DMD: variants seen among roughly 807,000 people sequenced by gnomAD.
The protein encoded by DMD is dystrophin.
A neutral mutation model predicts 330.1 loss-of-function variants in DMD; 63 were observed. That is an observed-to-expected ratio of 0.19 (90% CI 0.16 to 0.24). The LOEUF (loss-of-function observed/expected upper bound fraction) is 0.24. DMD is among the 10% of genes least tolerant of loss of function. The pLI, the probability that DMD is intolerant of heterozygous loss-of-function variation, is 1.00. For synonymous variants in DMD, 1,223 were observed against 959.8 expected, an observed-to-expected ratio of 1.27 and a Z score of -5.07; for missense variants, 3,344 against 2,684.1, an observed-to-expected ratio of 1.25 and a Z score of -5.43.
intron 7 of DMD, among the ~76,000 whole-genome samples, chrX:32,766,344 CATTT>C (rs1021751526): frequency 1.8e-5 from 2 of 111,172 alleles, no homozygotes; most frequent in African/African-American, 6.5e-5. Context: ...GGTTCCTTTT[CATTT>C]ATTTATAAAA....
chrX:32,211,739 T>C (rs1444641437), intron 44 of DMD, among the ~76,000 whole-genome samples: 1 of 112,052 alleles, frequency 8.9e-6, no homozygotes, highest in Non-Finnish European at 1.9e-5. Flanking sequence ...CAGGCTTGTA[T>C]GTCTGCGACA....
intron 41 of DMD, among the ~76,000 whole-genome samples, chrX:32,329,218 A>G (rs1462465524): frequency 3.6e-5 from 4 of 112,325 alleles, no homozygotes; most frequent in African/African-American, 6.5e-5. Flanking sequence ...TGCAGTAAAT[A>G]TTAGAAGGGA....
At chrX:32,273,499 CT>C (rs11364033) in intron 43 of DMD, among the ~76,000 whole-genome samples, 24,648 of 102,050 alleles carry the variant, frequency 0.24, 4,412 homozygotes, top group African/African-American at 0.59. Flanking sequence ...TTCCAATATT[CT>C]TTTTTTTTTT....
chrX:31,196,719 G>A (rs1367658590), intron 67 of DMD, among the ~76,000 whole-genome samples: 2 of 105,408 alleles, frequency 1.9e-5, no homozygotes, highest in Admixed American at 1.0e-4. Flanking sequence ...TACTTGGGAG[G>A]CTGAGGCAGG....
intron 13 of DMD, among the ~76,000 whole-genome samples, chrX:32,575,427 G>A (rs1174908946): frequency 9.0e-6 from 1 of 111,650 alleles, no homozygotes; most frequent in Non-Finnish European, 1.9e-5. Flanking sequence ...TTAATTTTTT[G>A]TAGTTTCACT....
At chrX:32,944,853 G>A (rs997878386) in intron 2 of DMD, among the ~76,000 whole-genome samples, 5 of 110,586 alleles carry the variant, frequency 4.5e-5, no homozygotes, top group Admixed American at 9.7e-5. Flanking sequence ...TGATCCACCC[G>A]CCTCGGCCTC....
chrX:32,089,688 A>T (rs1290952265), intron 44 of DMD, among the ~76,000 whole-genome samples: 2 of 111,768 alleles, frequency 1.8e-5, no homozygotes, highest in Non-Finnish European at 3.8e-5. Flanking sequence ...CAGTCTGTTC[A>T]TTGATAGGCA....
At chrX:31,941,632 A>C (rs918874123) in intron 45 of DMD, among the ~76,000 whole-genome samples, 1 of 111,447 alleles carries the variant, frequency 9.0e-6, no homozygotes, top group Non-Finnish European at 1.9e-5. Flanking sequence ...GTTTAGGGTA[A>C]AAATGATCCC....
intron 44 of DMD, among the ~76,000 whole-genome samples, chrX:32,147,981 C>A (rs1388044910): frequency 9.3e-6 from 1 of 107,074 alleles, no homozygotes. Flanking sequence ...GGGTTCACGC[C>A]ATTCTCCTGC....
At chrX:32,458,052 AATT>A (rs1569563399) in intron 25 of DMD, among the ~76,000 whole-genome samples, 1 of 111,051 alleles carries the variant, frequency 9.0e-6, no homozygotes, top group Non-Finnish European at 1.9e-5. Context: ...GAATTCATTT[AATT>A]ATTATATACT....
chrX:31,787,985 C>A (rs778367469), intron 50 of DMD, among the ~76,000 whole-genome samples: 9 of 112,044 alleles, frequency 8.0e-5, no homozygotes, highest in Middle Eastern at 4.6e-3. Context: ...CCCTGCCAAA[C>A]CATCTCAAAT....
chrX:31,305,636 C>T (rs1005983154), intron 62 of DMD, among the ~76,000 whole-genome samples: 24 of 112,118 alleles, frequency 2.1e-4, no homozygotes, highest in African/African-American at 7.5e-4. Flanking sequence ...CCCTAACTCA[C>T]GTGTTCCACC....
At chrX:32,819,317 A>G (rs747542986) in intron 5 of DMD, among the ~76,000 whole-genome samples, 3 of 110,881 alleles carry the variant, frequency 2.7e-5, no homozygotes, top group Admixed American at 1.9e-4. Context: ...TGAACATTCT[A>G]AAGTGAATTA....
intron 1 of DMD, among the ~76,000 whole-genome samples, chrX:33,227,382 T>C (rs1260791436): frequency 1.8e-5 from 2 of 111,007 alleles, no homozygotes; most frequent in African/African-American, 3.3e-5. Flanking sequence ...TTTTTTTCCA[T>C]GGCAAGGCTA....
intron 7 of DMD, among the ~76,000 whole-genome samples, chrX:32,798,739 T>C (rs1603427793): frequency 8.9e-6 from 1 of 111,861 alleles, no homozygotes. Context: ...ACCTATAATA[T>C]TGCAATCGCA....
chrX:32,272,097 G>A (rs1490222729), intron 43 of DMD, among the ~76,000 whole-genome samples: 12 of 111,800 alleles, frequency 1.1e-4, no homozygotes, highest in Non-Finnish European at 1.9e-4. Flanking sequence ...TTCCCTGTAG[G>A]AAAAAGTACT....
intron 48 of DMD, among the ~76,000 whole-genome samples, chrX:31,837,245 A>T (rs1279645232): frequency 1.8e-5 from 2 of 112,255 alleles, no homozygotes; most frequent in Non-Finnish European, 3.8e-5. Flanking sequence ...GTTTTGAAAT[A>T]AATATCAAAT....
rs141658831 is a variant in DMD, at chrX:31,746,917, A to G, written c.7543-17169T>C. Among the ~76,000 whole-genome samples the G allele has an allele frequency of 4.5e-3, 500 of 111,501 alleles. 2 individuals are homozygous for G. The highest frequency in any genetic ancestry group is 0.014 in the African/African-American group (434 of 30,705). On this transcript the variant is annotated intron_variant, in intron 51 of 78. Coordinates refer to ENST00000357033, the MANE Select transcript of DMD (RefSeq NM_004006.3). The stretch of plus-strand genomic sequence containing the variant: ...CCTTTGGACGTACATATAAGGGGAA[A>G]AAGTGCTTAACAACTAGGTCTCATT...
At chrX:32,305,258 T>C (rs1765325379) in intron 42 of DMD, among the ~76,000 whole-genome samples, 1 of 111,470 alleles carries the variant, frequency 9.0e-6, no homozygotes, top group South Asian at 3.7e-4. Context: ...TTAAGAGCTG[T>C]GAAACAGATT....
Sources: allele counts gnomAD v4.1 joint callset (sites outside exome capture counted in the v4.1 genomes callset), GRCh38; gene constraint gnomAD v4.1.1; transcripts MANE v1.5; gene names NCBI Gene and HGNC (gene_info 2026-07-23, HGNC 2026-07-21).